Variants in RNF150 observed in about 807,000 individuals in gnomAD.
RNF150 encodes the protein ring finger protein 150.
RNF150 carries 24 observed loss-of-function variants against 39.3 expected under a neutral mutation model. The observed-to-expected ratio is 0.61, with a 90% CI of 0.44 to 0.86. The LOEUF (loss-of-function observed/expected upper bound fraction) is 0.86. Ranked by LOEUF, RNF150 falls within the 40% of genes least tolerant of loss-of-function variation. RNF150 has a pLI of 0.00. For missense variants in RNF150, 502 were observed against 587.8 expected (o/e 0.85, Z 1.51); for synonymous variants, 255 against 227.3 (o/e 1.12, Z -1.10).
chr4:140,956,635 C>A (rs150117279), intron 2 of RNF150, among the ~76,000 whole-genome samples: 1 of 152,116 alleles, frequency 6.6e-6, no homozygotes, highest in African/African-American at 2.4e-5. Context: ...TAAAAGATCA[C>A]ACTACCTGAC....
chr4:141,019,095 A>G (rs992925707), intron 1 of RNF150, among the ~76,000 whole-genome samples: 4 of 145,120 alleles, frequency 2.8e-5, no homozygotes, highest in Non-Finnish European at 4.5e-5. Context: ...ACTTTACACA[A>G]AAGAATGTTA....
chr4:141,010,011 T>G (rs1735018059), intron 1 of RNF150, among the ~76,000 whole-genome samples: 1 of 152,226 alleles, frequency 6.6e-6, no homozygotes, highest in African/African-American at 2.4e-5. Context: ...CTTGATGTGT[T>G]TGCTTTCCTA....
intron 1 of RNF150, among the ~76,000 whole-genome samples, chr4:140,974,623 T>C (rs924853920): frequency 6.6e-6 from 1 of 152,162 alleles, no homozygotes; most frequent in African/African-American, 2.4e-5. Flanking sequence ...CCACCAGCAA[T>C]GTATGAATGA....
intron 1 of RNF150, among the ~76,000 whole-genome samples, chr4:141,201,866 A>G (rs1206680361): frequency 6.6e-6 from 1 of 152,132 alleles, no homozygotes; most frequent in Non-Finnish European, 1.5e-5. Flanking sequence ...CATATGTTGG[A>G]ACAGAATCCC....
intron 1 of RNF150, among the ~76,000 whole-genome samples, chr4:141,149,236 CT>C (rs909200716): frequency 1.8e-4 from 27 of 149,348 alleles, no homozygotes; most frequent in South Asian, 4.3e-4. Flanking sequence ...AAGGCCCTCA[CT>C]TTTTTTTTTA....
rs776111622 is a variant in RNF150 at position 140,967,960 on chromosome 4, G to A, written c.485-87C>T. On this transcript the variant is annotated intron_variant, in intron 1 of 6. Transcript: ENST00000515673. ...GTGAGATGTGTGGACACAGTAACAC[G>A]AAACCAAATAAGGACAGTACTTTTG... 5 of 1,182,346 alleles carry A rather than the reference G, an allele frequency of 4.2e-6. No individual in the cohort carries two copies. The African/African-American group carries it at 4.5e-5, about 11-fold the overall frequency. 73.2% of individuals were successfully genotyped at this position (1,182,346 alleles called of 1,614,324 possible). A position where few individuals can be genotyped will look rare whatever the true frequency, so the allele number is the denominator to read the frequency against.
At chr4:141,165,495 A>C (rs1202927263) in intron 1 of RNF150, among the ~76,000 whole-genome samples, 1 of 152,198 alleles carries the variant, frequency 6.6e-6, no homozygotes, top group Non-Finnish European at 1.5e-5. Context: ...CAGAATATAC[A>C]TTTTTCTTAG....
intron 1 of RNF150, among the ~76,000 whole-genome samples, chr4:141,212,221 G>A (rs761097727): frequency 3.9e-5 from 6 of 152,120 alleles, no homozygotes; most frequent in Admixed American, 1.3e-4. Context: ...TCCAACAGCC[G>A]GGTAGCAACA....
chr4:140,913,377 C>A (rs1466215556), intron 5 of RNF150, among the ~76,000 whole-genome samples: 1 of 152,214 alleles, frequency 6.6e-6, no homozygotes, highest in African/African-American at 2.4e-5. Context: ...TGGCCCCAGC[C>A]TACTTTTCTG....
At chr4:140,923,611 C>T (rs1481375160) in intron 5 of RNF150, among the ~76,000 whole-genome samples, 2 of 152,108 alleles carry the variant, frequency 1.3e-5, no homozygotes, top group Non-Finnish European at 2.9e-5. Flanking sequence ...CCCAGCCATC[C>T]CATTACTGGG....
At chr4:141,059,915 C>A (rs1560714935) in intron 1 of RNF150, among the ~76,000 whole-genome samples, 1 of 151,972 alleles carries the variant, frequency 6.6e-6, no homozygotes, top group Non-Finnish European at 1.5e-5. Flanking sequence ...CTATAAAACT[C>A]TAAATATATA....
intron 1 of RNF150, among the ~76,000 whole-genome samples, chr4:141,021,231 C>A (rs560458919): frequency 6.6e-6 from 1 of 151,960 alleles, no homozygotes; most frequent in African/African-American, 2.4e-5. Context: ...TCTGGCTAAG[C>A]CAACGTAACA....
chr4:140,972,634 G>T (rs895605342), intron 1 of RNF150, among the ~76,000 whole-genome samples: 5 of 152,194 alleles, frequency 3.3e-5, no homozygotes, highest in African/African-American at 1.2e-4. Flanking sequence ...TCATCTAGGT[G>T]TGAGTACAGA....
intron 1 of RNF150, among the ~76,000 whole-genome samples, chr4:141,104,283 G>A (rs1739124134): frequency 6.6e-6 from 1 of 152,098 alleles, no homozygotes; most frequent in South Asian, 2.1e-4. Flanking sequence ...CTACATCGTG[G>A]GTGTCAAGCA....
intron 6 of RNF150, among the ~76,000 whole-genome samples, chr4:140,895,137 T>A (rs1025799017): frequency 5.9e-5 from 9 of 152,072 alleles, no homozygotes; most frequent in African/African-American, 2.2e-4. Flanking sequence ...TAAGAGAAAA[T>A]CTCCTGGAGA....
At chr4:141,095,928 ATG>A (rs1298103736) in intron 1 of RNF150, among the ~76,000 whole-genome samples, 2 of 65,362 alleles carry the variant, frequency 3.1e-5, no homozygotes, top group Non-Finnish European at 1.1e-4. Context: ...TAAACTTCAC[ATG>A]TTACATAAAC....
At chr4:141,084,039 G>T (rs1233027327) in intron 1 of RNF150, among the ~76,000 whole-genome samples, 1 of 152,120 alleles carries the variant, frequency 6.6e-6, no homozygotes, top group East Asian at 1.9e-4. Flanking sequence ...TTTGAATCAT[G>T]ATATTTAAAT....
At chr4:141,141,751 G>T (rs1465811018) in intron 1 of RNF150, among the ~76,000 whole-genome samples, 2 of 152,178 alleles carry the variant, frequency 1.3e-5, no homozygotes, top group East Asian at 3.9e-4. Context: ...CAGGGAGGCA[G>T]AGGTTGTGGT....
At chr4:141,056,345 G>A (rs1368305432) in intron 1 of RNF150, among the ~76,000 whole-genome samples, 1 of 152,096 alleles carries the variant, frequency 6.6e-6, no homozygotes, top group Non-Finnish European at 1.5e-5. Context: ...AATCCAGCCT[G>A]GGCAACATAG....
Sources: gnomAD v4.1 joint callset for allele counts (sites outside exome capture counted in the v4.1 genomes callset) on GRCh38, gnomAD v4.1.1 for gene constraint, MANE v1.5 for transcripts, NCBI Gene and HGNC (gene_info 2026-07-23, HGNC 2026-07-21) for gene names.